Variants in SFRP2 observed in about 807,000 individuals in gnomAD.
The protein encoded by SFRP2 is secreted frizzled related protein 2, also known as secreted frizzled-related protein 2.
A neutral mutation model predicts 26.0 loss-of-function variants in SFRP2; 16 were observed. That is an observed-to-expected ratio of 0.61 (90% confidence interval 0.42 to 0.93). SFRP2 has a LOEUF of 0.93. Among genes scored for constraint, SFRP2 ranks in the 40% least tolerant of loss-of-function variants. SFRP2 has a pLI of 0.00. For synonymous variants in SFRP2, 173 were observed against 167.3 expected, an observed-to-expected ratio of 1.03 and a Z score of -0.26; for missense variants, 343 against 392.4, an observed-to-expected ratio of 0.87 and a Z score of 1.06.
In SFRP2 at chr4:153,788,918, C is replaced by G. The variant is rs1579132421; in HGVS notation, c.-83G>C. The G allele has an allele frequency of 1.4e-6, 2 of 1,416,682 alleles. No individual in the cohort carries two copies. The highest frequency in any genetic ancestry group is 2.5e-5 in the East Asian group (1 of 39,330). 87.8% of individuals were successfully genotyped at this position (1,416,682 alleles called of 1,614,324 possible). On this transcript the variant is annotated 5_prime_UTR_variant, in exon 1 of 3. Transcript: ENST00000274063. ...CCGGAGTTCGAGCTTGTCCCGGGCC[C>G]GCTCTCTTCGCTGGGTGCGACTCGG...
chr4:153,781,791 A>T, intron 2 of SFRP2, 36 bp from the exon 3 acceptor site: 10 of 1,568,060 alleles, frequency 6.4e-6, no homozygotes, highest in Non-Finnish European at 8.8e-6. Context: ...TGCCAGTTAT[A>T]ATGAGGGAAT....
chr4:153,781,831 C>T, intron 2 of SFRP2, 76 bp from the exon 3 acceptor site: 1 of 1,317,492 alleles, frequency 7.6e-7, no homozygotes. Flanking sequence ...TCTGCCAACT[C>T]GTGTGACTTG....
At chr4:153,785,033 T>TC (rs1355867578) in intron 2 of SFRP2, among the ~76,000 whole-genome samples, 1 of 152,154 alleles carries the variant, frequency 6.6e-6, no homozygotes, top group Non-Finnish European at 1.5e-5. Context: ...CAGCTCTCTT[T>TC]CCCCTTATAA....
At chr4:153,782,423 G>A (rs192265977) in intron 2 of SFRP2, among the ~76,000 whole-genome samples, 3 of 152,300 alleles carry the variant, frequency 2.0e-5, no homozygotes, top group Admixed American at 6.5e-5. Flanking sequence ...AGGCCAAGGC[G>A]TTTACGGATC....
At chr4:153,785,164 TC>T (rs1741182478) in intron 2 of SFRP2, among the ~76,000 whole-genome samples, 1 of 152,232 alleles carries the variant, frequency 6.6e-6, no homozygotes, top group African/African-American at 2.4e-5. Context: ...GCTTTTTTTT[TC>T]CTTTTTAAAA....
Position 153,788,859 on chromosome 4 carries a change from G to A in SFRP2, c.-24C>T, listed in dbSNP as rs771576600. On this transcript the variant is annotated 5_prime_UTR_variant, in exon 1 of 3. Coordinates refer to ENST00000274063, the MANE Select transcript of SFRP2 (RefSeq NM_003013.3). ...ATCGTGGGCGCGCGACCCCGAGGGG[G>A]CAGAGGGAGCGGAGCCGGGGAAGGG... 5 of 1,554,678 alleles carry A rather than the reference G, an allele frequency of 3.2e-6. No individual in the cohort carries two copies. In the Admixed American group the frequency reaches 5.5e-5, roughly 17 times the overall value.
At chr4:153,781,814 C>T in intron 2 of SFRP2, 59 bp from the exon 3 acceptor site, 2 of 1,424,296 alleles carry the variant, frequency 1.4e-6, no homozygotes, top group Non-Finnish European at 2.0e-6. Flanking sequence ...AGTATACCTC[C>T]CCCCATTCTG....
chr4:153,788,538 C>T lies in SFRP2; in HGVS notation c.298G>A (p.Ala100Thr), dbSNP rs1041389056. ...DTKKFLCSLF[A>T]PVCLDDLDET... The stretch of plus-strand genomic sequence containing the variant: ...TCTAGGTCATCGAGGCAGACGGGGG[C>T]GAAGAGCGAGCACAGGAACTTCTTG... Residue 100 changes from alanine (A) to threonine (T), a missense_variant, in exon 1 of 3, where the codon GCC (alanine) becomes ACC (threonine). This residue lies in a region of SFRP2 where 251 missense variants were observed against 253.3 expected (regional missense o/e 0.99). Transcript: ENST00000274063. 6.2e-7 allele frequency: 1 copy of T among 1,614,068 alleles called. No individual in the cohort carries two copies. The highest frequency in any genetic ancestry group is 8.5e-7 in the Non-Finnish European group (1 of 1,180,010).
intron 2 of SFRP2, among the ~76,000 whole-genome samples, chr4:153,783,211 T>C (rs751640686): frequency 6.6e-6 from 1 of 152,206 alleles, no homozygotes; most frequent in Non-Finnish European, 1.5e-5. Flanking sequence ...TTTTGTGTCC[T>C]CTGCATTGGG....
chr4:153,784,497 G>A (rs2127182999), intron 2 of SFRP2, among the ~76,000 whole-genome samples: 1 of 152,320 alleles, frequency 6.6e-6, no homozygotes, highest in East Asian at 1.9e-4. Context: ...TCAGCAGTGT[G>A]AAGCCTTTCC....
intron 2 of SFRP2, among the ~76,000 whole-genome samples, chr4:153,783,359 T>C (rs1377474648): frequency 6.6e-6 from 1 of 152,126 alleles, no homozygotes; most frequent in Non-Finnish European, 1.5e-5. Flanking sequence ...GCTCCAAACA[T>C]CAGAAAAAAC....
In SFRP2 at chr4:153,789,029, C is replaced by A; in HGVS notation, c.-194G>T. The A allele has an allele frequency of 5.2e-6, 3 of 574,862 alleles. No homozygotes were observed. Among genetic ancestry groups the A allele is most frequent in the Non-Finnish European group, 8.6e-6 (3 of 350,600 alleles). The allele number at this position is 574,862 out of a possible 1,614,324, so 35.6% of individuals were successfully genotyped here. A position where few individuals can be genotyped will look rare whatever the true frequency, so the allele number is the denominator to read the frequency against. ...GCGCGGGCGAGGCGCTGCAAGCCCG[C>A]GCGCAGCTCCGGGGGGCTCCGACCC... is the stretch of plus-strand genomic sequence containing the variant. On this transcript the variant is annotated 5_prime_UTR_variant, in exon 1 of 3. Coordinates refer to ENST00000274063, the MANE Select transcript of SFRP2 (RefSeq NM_003013.3).
chr4:153,784,812 A>G (rs1741175713), intron 2 of SFRP2, among the ~76,000 whole-genome samples: 1 of 152,230 alleles, frequency 6.6e-6, no homozygotes, highest in African/African-American at 2.4e-5. Flanking sequence ...CTGAATAAAT[A>G]CTTTTTTAAA....
intron 2 of SFRP2, among the ~76,000 whole-genome samples, chr4:153,783,513 C>G (rs1419319324): frequency 6.6e-6 from 1 of 152,118 alleles, no homozygotes; most frequent in Non-Finnish European, 1.5e-5. Context: ...GAATTGAATC[C>G]CCCACATAAC....
Position 153,784,916 on chromosome 4 carries a change from A to C in SFRP2, c.583+948T>G, listed in dbSNP as rs182662195. Among the ~76,000 whole-genome samples, 197 of 152,128 alleles carry C rather than the reference A, an allele frequency of 1.3e-3. 1 individual carries two copies. The highest frequency in any genetic ancestry group is 1.7e-3 in the Non-Finnish European group (114 of 68,026). ...TGGGTGAAGTTCCTGGTCATTCCCA[A>C]CTCTGAATTTAGCATTGATCCTGTG... is the stretch of plus-strand genomic sequence containing the variant. On this transcript the variant is annotated intron_variant, in intron 2 of 2. Transcript: ENST00000274063.
intron 1 of SFRP2, among the ~76,000 whole-genome samples, chr4:153,786,421 T>G (rs1741210505): frequency 1.3e-5 from 2 of 152,152 alleles, no homozygotes; most frequent in African/African-American, 4.8e-5. Flanking sequence ...ATTGTCTTTC[T>G]CAGCCACAGG....
intron 1 of SFRP2, among the ~76,000 whole-genome samples, chr4:153,786,584 C>G (rs1741213498): frequency 6.6e-6 from 1 of 152,162 alleles, no homozygotes; most frequent in Non-Finnish European, 1.5e-5. Flanking sequence ...CTAAGTGGTT[C>G]TGTGTCACCT....
Position 153,788,410 on chromosome 4 carries a change from GC to G in SFRP2, c.425del (p.Cys142SerfsTer44). The stretch of plus-strand genomic sequence containing the variant: ...GGTCGTTGTCCTGGGGGAAACGGTC[GC>G]ACTCAAGCATGTCGGGCCAGGGGAA... ...FGFPWPDMLE[C>X]DRFPQDNDLC... On this transcript the variant is annotated frameshift_variant, in exon 1 of 3. Transcript: ENST00000274063. LOFTEE classifies it high-confidence loss of function. The G allele has an allele frequency of 6.2e-7, 1 of 1,613,956 alleles. No individual in the cohort carries two copies. The highest frequency in any genetic ancestry group is 8.5e-7 in the Non-Finnish European group (1 of 1,180,038).
intron 2 of SFRP2, among the ~76,000 whole-genome samples, chr4:153,785,465 G>A (rs552817303): frequency 6.7e-6 from 1 of 148,226 alleles, no homozygotes; most frequent in African/African-American, 2.5e-5. Context: ...CCTTGAATCT[G>A]TTTGGCTGGG....
Sources: gnomAD v4.1 joint callset for allele counts (sites outside exome capture counted in the v4.1 genomes callset) on GRCh38, gnomAD v4.1.1 for gene constraint, gnomAD v4.1.1 regional missense constraint, MANE v1.5 for transcripts, NCBI Gene and HGNC (gene_info 2026-07-23, HGNC 2026-07-21) for gene names.